Variants in PIP4K2B observed in about 807,000 individuals in gnomAD.
PIP4K2B encodes phosphatidylinositol-5-phosphate 4-kinase type 2 beta, also known as phosphatidylinositol 5-phosphate 4-kinase type-2 beta.
In PIP4K2B, 3 loss-of-function variants were observed where a neutral mutation model predicts 42.0. That is an observed-to-expected ratio of 0.07 (90% confidence interval 0.03 to 0.18). PIP4K2B has a LOEUF of 0.18. Among genes scored for constraint, PIP4K2B ranks in the 10% least tolerant of loss-of-function variants. The probability of loss-of-function intolerance (pLI) is 1.00; values close to 1 mark genes in which losing one functional copy is unlikely to be tolerated. For missense variants in PIP4K2B, 332 were observed against 562.3 expected (o/e 0.59, Z 4.14); for synonymous variants, 204 against 210.1 (o/e 0.97, Z 0.25).
Position 38,769,552 on chromosome 17 carries a change from C to T in PIP4K2B, c.*139G>A. 1 of 713,400 alleles carries T rather than the reference C, an allele frequency of 1.4e-6. No individual in the cohort carries two copies. The highest frequency in any genetic ancestry group is 1.7e-5 in the African/African-American group (1 of 57,980). 44.2% of individuals were successfully genotyped at this position (713,400 alleles called of 1,614,324 possible). On this transcript the variant is annotated 3_prime_UTR_variant, in exon 10 of 10. Transcript: ENST00000619039. ...CTAAAGTCTCTTTCGGTGTCACAGGCTGCAGTCTCATTGCTAAAGCCCTCC... is the reference window on the plus strand; with the variant it reads ...CTAAAGTCTCTTTCGGTGTCACAGGTTGCAGTCTCATTGCTAAAGCCCTCC...
chr17:38,799,326 CACT>C lies in PIP4K2B; in HGVS notation c.96_98del (p.Val33del), dbSNP rs1393343876. 1 of 1,608,880 alleles carries C rather than the reference CACT, an allele frequency of 6.2e-7. No homozygotes were observed. The highest frequency in any genetic ancestry group is 8.5e-7 in the Non-Finnish European group (1 of 1,178,118). On this transcript the variant is annotated inframe_deletion, in exon 1 of 10. Transcript: ENST00000619039. The surrounding 1 kb of genome is among the most constrained non-coding windows in gnomAD (Gnocchi z 4.4). ...TCGGCTCGCTGGCCCGGAATAGCTT[CACT>C]TTCTGGCACACGAAATGCTTCTTCT...
At chr17:38,791,769 C>T (rs1185424358) in intron 1 of PIP4K2B, among the ~76,000 whole-genome samples, 6 of 150,008 alleles carry the variant, frequency 4.0e-5, no homozygotes, top group African/African-American at 1.5e-4. Context: ...TTACTATATG[C>T]TAGGAGCTGG....
At chr17:38,777,398 G>C (rs1396183884) in intron 7 of PIP4K2B, among the ~76,000 whole-genome samples, 1 of 152,136 alleles carries the variant, frequency 6.6e-6, no homozygotes, top group Admixed American at 6.5e-5. Context: ...CTCCATTGTA[G>C]GGACAACAGC....
chr17:38,781,345 G>C (rs1409031403), intron 3 of PIP4K2B, among the ~76,000 whole-genome samples: 1 of 151,942 alleles, frequency 6.6e-6, no homozygotes, highest in Non-Finnish European at 1.5e-5. Context: ...GAGGGTGTGG[G>C]AAGGCGTGAG....
At chr17:38,783,234 T>C (rs1909811710) in intron 3 of PIP4K2B, among the ~76,000 whole-genome samples, 1 of 150,112 alleles carries the variant, frequency 6.7e-6, no homozygotes, top group Admixed American at 6.6e-5. Flanking sequence ...CTATATTTCT[T>C]ACAGCTGTAA....
In PIP4K2B at chr17:38,799,382, GCGCCAC is replaced by G. The variant is rs757860014; in HGVS notation, c.37_42del (p.Val13_Ala14del). 1 of 1,606,038 alleles carries G rather than the reference GCGCCAC, an allele frequency of 6.2e-7. No homozygotes were observed. Among genetic ancestry groups the G allele is most frequent in the Non-Finnish European group, 8.5e-7 (1 of 1,177,624 alleles). On this transcript the variant is annotated inframe_deletion, in exon 1 of 10. Transcript: ENST00000619039. This position sits in a 1 kb window ranked among gnomAD's most constrained non-coding sequence, Gnocchi z 4.4. ...GTCTTGGTCTTGCTGGCGCTGAGCG[GCGCCAC>G]CGCCACCGCCGTGGTGCTGGTGCAG... is the stretch of plus-strand genomic sequence containing the variant.
chr17:38,795,055 A>G (rs34288908), intron 1 of PIP4K2B, among the ~76,000 whole-genome samples: 18,909 of 139,508 alleles, frequency 0.14, 3,688 homozygotes, highest in African/African-American at 0.44. Flanking sequence ...AGCCAAGATC[A>G]CACCGTTGCA....
chr17:38,772,896 G>T (rs1047182259), intron 7 of PIP4K2B, among the ~76,000 whole-genome samples: 1 of 152,154 alleles, frequency 6.6e-6, no homozygotes, highest in African/African-American at 2.4e-5. Flanking sequence ...TAAGTGAAAA[G>T]GTGAAAGCTC....
chr17:38,792,323 T>C (rs1910386528), intron 1 of PIP4K2B, among the ~76,000 whole-genome samples: 2 of 152,132 alleles, frequency 1.3e-5, no homozygotes, highest in Non-Finnish European at 2.9e-5. Context: ...ATTTTATTTC[T>C]AGTAGAGACA....
chr17:38,784,289 AAC>A lies in PIP4K2B; in HGVS notation c.306_307del (p.Phe103ProfsTer10). On this transcript the variant is annotated frameshift_variant, in exon 3 of 10. Coordinates refer to ENST00000619039, the MANE Select transcript of PIP4K2B (RefSeq NM_003559.5). LOFTEE classifies it high-confidence loss of function. ...TCCAAACCTCTCCCGAAGGTTTCGG[AAC>A]ACCATGGGGCAATACTCCTTAAACT... The A allele has an allele frequency of 6.2e-7, 1 of 1,613,962 alleles. No individual in the cohort carries two copies. Among genetic ancestry groups the A allele is most frequent in the Non-Finnish European group, 8.5e-7 (1 of 1,179,834 alleles).
Position 38,783,922 on chromosome 17 carries a change from T to G in PIP4K2B, c.354+321A>C, listed in dbSNP as rs117319686. ...CACCCAGTTCTCTTTGAAGTCAAAC[T>G]ACGAATGAGAAGGGTTCTTCAGCCT... is the stretch of plus-strand genomic sequence containing the variant. On this transcript the variant is annotated intron_variant, in intron 3 of 9. Transcript: ENST00000619039. Among the ~76,000 whole-genome samples the G allele has an allele frequency of 3.5e-3, 540 of 152,238 alleles. 5 individuals carry two copies. Among genetic ancestry groups the G allele is most frequent in the Middle Eastern group, 0.031 (9 of 294 alleles).
At chr17:38,771,322 A>C in intron 7 of PIP4K2B, 50 bp from the exon 8 acceptor site, 2 of 1,603,906 alleles carry the variant, frequency 1.2e-6, no homozygotes, top group Non-Finnish European at 1.7e-6. Flanking sequence ...GTTACACAGG[A>C]CATCCCAGTG....
chr17:38,788,218 A>ATT (rs1910146701), intron 1 of PIP4K2B, among the ~76,000 whole-genome samples: 16 of 151,440 alleles, frequency 1.1e-4, no homozygotes, highest in Admixed American at 1.1e-3. Context: ...TTATTTATTT[A>ATT]TAGACAGAGT....
chr17:38,777,676 T>C lies in PIP4K2B; in HGVS notation c.807+11A>G. ...GGAGCCTTGCAGGTGAAAATGAAGGTTAGTAAGTACCTCAACGTCCCGCTT... is the reference window on the plus strand; with the variant it reads ...GGAGCCTTGCAGGTGAAAATGAAGGCTAGTAAGTACCTCAACGTCCCGCTT... On this transcript the variant is annotated intron_variant, in intron 7 of 9. Transcript: ENST00000619039. 6.4e-7 allele frequency: 1 copy of C among 1,561,232 alleles called. No homozygotes were observed. The highest frequency in any genetic ancestry group is 8.8e-7 in the Non-Finnish European group (1 of 1,131,752).
chr17:38,771,338 C>T lies in PIP4K2B; in HGVS notation c.808-66G>A. Reference sequence around the variant, plus strand: ...TTACACAGGACATCCCAGTGACATCCAGAAAGGGGGGAAAGGCATTCCTTT... The same window carrying T: ...TTACACAGGACATCCCAGTGACATCTAGAAAGGGGGGAAAGGCATTCCTTT... On this transcript the variant is annotated intron_variant, in intron 7 of 9. Transcript: ENST00000619039. 3 of 1,562,316 alleles carry T rather than the reference C, an allele frequency of 1.9e-6. No homozygotes were observed. The South Asian group carries it at 3.4e-5, about 18-fold the overall frequency.
chr17:38,790,336 C>T (rs1415999677), intron 1 of PIP4K2B, among the ~76,000 whole-genome samples: 1 of 152,144 alleles, frequency 6.6e-6, no homozygotes, highest in Non-Finnish European at 1.5e-5. Context: ...GTCCCATTTC[C>T]TTTTTCCTGG....
At chr17:38,777,893 G>A in intron 6 of PIP4K2B, 93 bp from the exon 7 acceptor site, 1 of 888,066 alleles carries the variant, frequency 1.1e-6, no homozygotes, top group Non-Finnish European at 1.9e-6. Context: ...TACAGAAAGG[G>A]GAAGGAGGGG....
At chr17:38,770,335 T>A (rs935890795) in intron 9 of PIP4K2B, 101 bp downstream of exon 9, 1 of 726,680 alleles carries the variant, frequency 1.4e-6, no homozygotes, top group Non-Finnish European at 2.5e-6. Flanking sequence ...AGGAGTGTGT[T>A]CCTTGGAGCA....
intron 1 of PIP4K2B, among the ~76,000 whole-genome samples, chr17:38,796,910 A>C (rs1465213626): frequency 1.3e-5 from 2 of 152,196 alleles, no homozygotes; most frequent in Non-Finnish European, 2.9e-5. Flanking sequence ...CACCGAGGGC[A>C]ATGTGGTCCT....
Sources: gnomAD v4.1 joint callset for allele counts (sites outside exome capture counted in the v4.1 genomes callset) on GRCh38, gnomAD v4.1.1 for gene constraint, Gnocchi (gnomAD v3.1) non-coding constraint, MANE v1.5 for transcripts, NCBI Gene and HGNC (gene_info 2026-07-23, HGNC 2026-07-21) for gene names.